The following PACRG variants were observed in gnomAD, a reference collection of about 807,000 sequenced individuals.
PACRG encodes parkin coregulated gene protein.
A neutral mutation model predicts 29.7 loss-of-function variants in PACRG; 29 were observed. The observed-to-expected ratio is 0.98, with a 90% CI of 0.73 to 1.33. The LOEUF is 1.33. Among genes scored for constraint, PACRG ranks in the 40% most tolerant of loss-of-function variants. The probability of loss-of-function intolerance (pLI) is 0.00; values close to 1 mark genes in which losing one functional copy is unlikely to be tolerated. For missense variants in PACRG, 279 were observed against 316.2 expected, an observed-to-expected ratio of 0.88 and a Z score of 0.89; for synonymous variants, 116 against 118.7, an observed-to-expected ratio of 0.98 and a Z score of 0.15.
chr6:163,311,928 T>G (rs1785434279), intron 4 of PACRG, among the ~76,000 whole-genome samples: 1 of 152,082 alleles, frequency 6.6e-6, no homozygotes. Flanking sequence ...TCCACGCCCT[T>G]TCCCTCCATC....
At chr6:163,097,631 G>A (rs1038067270) in intron 4 of PACRG, among the ~76,000 whole-genome samples, 1 of 152,204 alleles carries the variant, frequency 6.6e-6, no homozygotes, top group African/African-American at 2.4e-5. Context: ...CAATCGATAT[G>A]TGTGGGGTAT....
intron 3 of PACRG, among the ~76,000 whole-genome samples, chr6:163,071,702 A>G (rs1478866501): frequency 6.7e-6 from 1 of 150,212 alleles, no homozygotes. Flanking sequence ...CTAAGTTAGA[A>G]AAAAAAAAAG....
intron 1 of PACRG, among the ~76,000 whole-genome samples, chr6:162,773,088 T>C (rs959014555): frequency 6.6e-6 from 1 of 151,942 alleles, no homozygotes; most frequent in Non-Finnish European, 1.5e-5. Flanking sequence ...ATGGTAGGGG[T>C]GAAAGCCTAC....
intron 4 of PACRG, among the ~76,000 whole-genome samples, chr6:163,206,618 G>GA (rs1780913937): frequency 6.6e-6 from 1 of 152,044 alleles, no homozygotes; most frequent in African/African-American, 2.4e-5. Flanking sequence ...GTACCTGGGT[G>GA]AAAAAATAAT....
chr6:163,286,029 A>G (rs1228679420), intron 4 of PACRG, among the ~76,000 whole-genome samples: 1 of 152,210 alleles, frequency 6.6e-6, no homozygotes, highest in Non-Finnish European at 1.5e-5. Context: ...TCTTCCCTCT[A>G]TAAAAGTATG....
At chr6:162,774,085 T>C (rs1783452650) in intron 1 of PACRG, among the ~76,000 whole-genome samples, 1 of 152,218 alleles carries the variant, frequency 6.6e-6, no homozygotes, top group Admixed American at 6.5e-5. Flanking sequence ...TACTCCCACA[T>C]TACATGCACG....
chr6:162,794,616 A>G (rs1388785177), intron 1 of PACRG, among the ~76,000 whole-genome samples: 2 of 152,198 alleles, frequency 1.3e-5, no homozygotes, highest in African/African-American at 4.8e-5. Flanking sequence ...TGAATTTCAT[A>G]TATGGTGTGA....
intron 4 of PACRG, among the ~76,000 whole-genome samples, chr6:163,306,988 A>G (rs1456134038): frequency 2.0e-5 from 3 of 152,244 alleles, no homozygotes; most frequent in Non-Finnish European, 2.9e-5. Context: ...TGAATAGTAT[A>G]GCTACTAAGT....
At chr6:163,282,903 C>T (rs73603710) in intron 4 of PACRG, among the ~76,000 whole-genome samples, 1,922 of 152,310 alleles carry the variant, frequency 0.013, 34 homozygotes, top group African/African-American at 0.044. Flanking sequence ...CAAGGAAAGC[C>T]TTTGCACCCA....
At chr6:162,998,971 C>T (rs1804333498) in intron 2 of PACRG, among the ~76,000 whole-genome samples, 1 of 152,164 alleles carries the variant, frequency 6.6e-6, no homozygotes, top group Non-Finnish European at 1.5e-5. Context: ...GCCAACTGTA[C>T]TTTGTATTCC....
At chr6:162,909,442 C>G (rs1408930725) in intron 2 of PACRG, among the ~76,000 whole-genome samples, 2 of 150,732 alleles carry the variant, frequency 1.3e-5, no homozygotes, top group Admixed American at 6.6e-5. Flanking sequence ...GTAGTCCCAG[C>G]TACTTGGGAG....
intron 2 of PACRG, chr6:163,046,477 A>G (rs1809401403): frequency 6.6e-6 from 1 of 151,892 alleles, no homozygotes; most frequent in African/African-American, 2.4e-5. Context: ...TAATAACCCC[A>G]GGAATTAGGT....
At chr6:163,035,825 A>AC (rs940164371) in intron 2 of PACRG, among the ~76,000 whole-genome samples, 14 of 150,814 alleles carry the variant, frequency 9.3e-5, no homozygotes, top group African/African-American at 2.7e-4. Context: ...AAAAAAAAAA[A>AC]AAAAAAAAAC....
At chr6:162,731,286 A>G (rs1427383525) in intron 1 of PACRG, among the ~76,000 whole-genome samples, 1 of 152,164 alleles carries the variant, frequency 6.6e-6, no homozygotes, top group African/African-American at 2.4e-5. Flanking sequence ...ATCAGTATAT[A>G]ATACAGATAT....
chr6:162,874,352 A>AT (rs1017506058), intron 2 of PACRG, among the ~76,000 whole-genome samples: 7 of 151,618 alleles, frequency 4.6e-5, no homozygotes, highest in South Asian at 2.1e-4. Flanking sequence ...GAATGTCCTT[A>AT]TTTTTTTTAT....
At chr6:162,924,421 T>C (rs903229263) in intron 2 of PACRG, among the ~76,000 whole-genome samples, 3 of 152,266 alleles carry the variant, frequency 2.0e-5, no homozygotes, top group South Asian at 2.1e-4. Context: ...CTTCCAGTAC[T>C]CTATTGAATA....
At chr6:163,240,591 C>CCCT (rs1242714421) in intron 4 of PACRG, among the ~76,000 whole-genome samples, 1 of 152,112 alleles carries the variant, frequency 6.6e-6, no homozygotes, top group Admixed American at 6.5e-5. Flanking sequence ...AGGGCTCGTA[C>CCCT]CCTCCTGCTT....
At chr6:163,149,061 A>G (rs1428265459) in intron 4 of PACRG, among the ~76,000 whole-genome samples, 3 of 138,526 alleles carry the variant, frequency 2.2e-5, no homozygotes, top group Non-Finnish European at 4.5e-5. Context: ...TGGCTCTGTT[A>G]GGAGGAAACA....
At chr6:162,873,943 A>G (rs902348177) in intron 2 of PACRG, among the ~76,000 whole-genome samples, 1 of 152,284 alleles carries the variant, frequency 6.6e-6, no homozygotes, top group South Asian at 2.1e-4. Context: ...CTTCTTTTCA[A>G]TAAACGAAAC....
Sources: gnomAD v4.1 joint callset for allele counts (sites outside exome capture counted in the v4.1 genomes callset) on GRCh38, gnomAD v4.1.1 for gene constraint, MANE v1.5 for transcripts, NCBI Gene and HGNC (gene_info 2026-07-23, HGNC 2026-07-21) for gene names.